ROR2: variants seen among roughly 807,000 people sequenced by gnomAD.
ROR2 encodes tyrosine-protein kinase transmembrane receptor ROR2.
A neutral mutation model predicts 74.9 loss-of-function variants in ROR2; 33 were observed. The ratio of observed to expected loss-of-function variants is 0.44; its 90% CI spans 0.33 to 0.59. The LOEUF (loss-of-function observed/expected upper bound fraction) is 0.59. Among genes scored for constraint, ROR2 ranks in the 20% least tolerant of loss-of-function variants. The pLI is 0.02. For missense variants in ROR2, 1,216 were observed against 1,313.8 expected, an observed-to-expected ratio of 0.93 and a Z score of 1.15; for synonymous variants, 586 against 558.7, an observed-to-expected ratio of 1.05 and a Z score of -0.69.
chr9:91,846,638 G>A (rs1444687316), intron 1 of ROR2, among the ~76,000 whole-genome samples: 2 of 152,134 alleles, frequency 1.3e-5, no homozygotes. Context: ...ATGCAATGGA[G>A]CTGCTCCATT....
At chr9:91,848,236 G>A (rs1261714372) in intron 1 of ROR2, among the ~76,000 whole-genome samples, 2 of 152,146 alleles carry the variant, frequency 1.3e-5, no homozygotes, top group African/African-American at 4.8e-5. Context: ...CTTTTCCTGC[G>A]AATCCCCTAC....
At chr9:91,735,340 ACT>A (rs1824983192) in intron 5 of ROR2, among the ~76,000 whole-genome samples, 1 of 152,160 alleles carries the variant, frequency 6.6e-6, no homozygotes, top group Non-Finnish European at 1.5e-5. Flanking sequence ...CTTCAAATTT[ACT>A]GTTTTCAAAA....
chr9:91,927,562 C>CTTTTT (rs775823582), intron 1 of ROR2, among the ~76,000 whole-genome samples: 9 of 94,942 alleles, frequency 9.5e-5, no homozygotes, highest in Admixed American at 2.8e-4. Context: ...TTTCTAGATT[C>CTTTTT]TTTTTTTTTT....
intron 1 of ROR2, among the ~76,000 whole-genome samples, chr9:91,914,249 A>C (rs1831067682): frequency 6.6e-6 from 1 of 152,158 alleles, no homozygotes. Context: ...GCTTATTCCC[A>C]GCCAAGCATA....
chr9:91,787,802 G>A (rs10992108), intron 1 of ROR2, among the ~76,000 whole-genome samples: 1 of 134,930 alleles, frequency 7.4e-6, no homozygotes, highest in African/African-American at 2.9e-5. Flanking sequence ...TGCACAGAAT[G>A]GGGGGGAGAA....
chr9:91,929,955 T>C (rs1831507940), intron 1 of ROR2, among the ~76,000 whole-genome samples: 1 of 152,162 alleles, frequency 6.6e-6, no homozygotes, highest in South Asian at 2.1e-4. Context: ...GTCTTTGTTT[T>C]CATTCCCAGA....
chr9:91,790,048 T>C (rs1267205944), intron 1 of ROR2, among the ~76,000 whole-genome samples: 2 of 152,220 alleles, frequency 1.3e-5, no homozygotes, highest in Non-Finnish European at 2.9e-5. Flanking sequence ...TCTACAGTCA[T>C]GTGCTCCATA....
rs147121625 is a variant in ROR2 at position 91,825,200 on chromosome 9, G to A, written c.98-49382C>T. The stretch of plus-strand genomic sequence containing the variant: ...TCCCAGGATACGTAAGAAAGCCTTC[G>A]GTAATCAGGGAAGGCTGAGGACACG... On this transcript the variant is annotated intron_variant, in intron 1 of 8. Transcript: ENST00000375708. Among the ~76,000 whole-genome samples the A allele has an allele frequency of 4.0e-3, 615 of 152,310 alleles. 5 individuals are homozygous for A. Among genetic ancestry groups the A allele is most frequent in the African/African-American group, 0.014 (579 of 41,568 alleles).
intron 1 of ROR2, among the ~76,000 whole-genome samples, chr9:91,817,310 A>C (rs1241630910): frequency 6.6e-6 from 1 of 152,234 alleles, no homozygotes; most frequent in Non-Finnish European, 1.5e-5. Context: ...GCCTCCACCA[A>C]GGAAGGCAGG....
intron 1 of ROR2, among the ~76,000 whole-genome samples, chr9:91,776,654 C>A (rs964226152): frequency 6.6e-6 from 1 of 152,234 alleles, no homozygotes; most frequent in Non-Finnish European, 1.5e-5. Context: ...TGCTACATAA[C>A]AGAGGCTGAC....
chr9:91,832,367 CAAAAAAAAAAAAAAAAA>C (rs10677451), intron 1 of ROR2, among the ~76,000 whole-genome samples: 1 of 38,330 alleles, frequency 2.6e-5, no homozygotes, highest in South Asian at 1.8e-3. Context: ...GTCACAATGG[CAAAAAAAAAAAAAAAAA>C]AAAAAAAAAA....
intron 1 of ROR2, among the ~76,000 whole-genome samples, chr9:91,891,150 TA>T (rs531460319): frequency 1.2e-3 from 184 of 152,332 alleles, no homozygotes; most frequent in African/African-American, 4.1e-3. Context: ...ACCAACTATG[TA>T]TTAAGTTACG....
chr9:91,933,127 A>T (rs1049348406), intron 1 of ROR2, among the ~76,000 whole-genome samples: 4 of 152,062 alleles, frequency 2.6e-5, no homozygotes, highest in African/African-American at 9.7e-5. Flanking sequence ...CCTGACTAAC[A>T]CGGTCAAACT....
In ROR2 at chr9:91,905,703, CA is replaced by C. The variant is rs1201035133; in HGVS notation, c.97+44163del. 6.7e-6 allele frequency among the ~76,000 whole-genome samples: 1 copy of C among 148,404 alleles called. No homozygotes were observed. Among genetic ancestry groups the C allele is most frequent in the Non-Finnish European group, 1.5e-5 (1 of 67,318 alleles). ...ATCTGTTTTTCTTTTTAGAAGACCACAAACCCCACTACATGGTAGATAAATG... is the reference window on the plus strand; with the variant it reads ...ATCTGTTTTTCTTTTTAGAAGACCACAACCCCACTACATGGTAGATAAATG... On this transcript the variant is annotated intron_variant, in intron 1 of 8. Coordinates refer to ENST00000375708, the MANE Select transcript of ROR2 (RefSeq NM_004560.4). This position sits in a 1 kb window ranked among gnomAD's most constrained non-coding sequence, Gnocchi z 5.3.
intron 4 of ROR2, among the ~76,000 whole-genome samples, chr9:91,739,855 C>A (rs1453201334): frequency 6.6e-6 from 1 of 152,158 alleles, no homozygotes; most frequent in African/African-American, 2.4e-5. Context: ...TAGACACTGG[C>A]CACACTACCA....
At chr9:91,874,106 G>A (rs1829884595) in intron 1 of ROR2, among the ~76,000 whole-genome samples, 1 of 152,240 alleles carries the variant, frequency 6.6e-6, no homozygotes, top group South Asian at 2.1e-4. Context: ...CCTGGAAGGG[G>A]GCTGACGAAG....
At chr9:91,725,855 G>A (rs1837010889) in intron 8 of ROR2, among the ~76,000 whole-genome samples, 1 of 152,084 alleles carries the variant, frequency 6.6e-6, no homozygotes, top group African/African-American at 2.4e-5. Flanking sequence ...GCCAGCCCCT[G>A]CCCATAGCAA....
Position 91,737,479 on chromosome 9 carries a change from C to A in ROR2, c.534G>T (p.Arg178=). ...YHEDGFCQPY[R]GIACARFIGN... is the part of the protein sequence containing the mutation. ...CAATGAAGCGTGCACAGGCAATTCC[C>A]CGGTAAGGCTGGCAGAACCCATCCT... The change falls in exon 5 of 9, where the codon CGG becomes CGT. Residue 178 remains arginine (R), a synonymous_variant. Transcript: ENST00000375708. The A allele has an allele frequency of 1.2e-6, 2 of 1,614,206 alleles. No individual in the cohort carries two copies. Among genetic ancestry groups the A allele is most frequent in the Non-Finnish European group, 1.7e-6 (2 of 1,180,042 alleles).
At chr9:91,901,997 A>G (rs1443412843) in intron 1 of ROR2, among the ~76,000 whole-genome samples, 2 of 152,146 alleles carry the variant, frequency 1.3e-5, no homozygotes, top group Non-Finnish European at 2.9e-5. Context: ...TTCGCACAGA[A>G]TACCTCCCTC....
Sources: gnomAD v4.1 joint callset for allele counts (sites outside exome capture counted in the v4.1 genomes callset) on GRCh38, gnomAD v4.1.1 for gene constraint, Gnocchi (gnomAD v3.1) non-coding constraint, MANE v1.5 for transcripts, NCBI Gene and HGNC (gene_info 2026-07-23, HGNC 2026-07-21) for gene names.